LPA: variants seen among roughly 807,000 people sequenced by gnomAD.
LPA encodes lipoprotein(a).
LPA carries 199 observed loss-of-function variants against 197.9 expected under a neutral mutation model. The observed-to-expected ratio is 1.01, with a 90% CI of 0.90 to 1.13. The LOEUF (loss-of-function observed/expected upper bound fraction) is 1.13. LPA is among the 50% of genes most tolerant of loss of function. The pLI, the probability that LPA is intolerant of heterozygous loss-of-function variation, is 0.00. For missense variants in LPA, 1,853 were observed against 1,785.8 expected (o/e 1.04, Z -0.68); for synonymous variants, 715 against 639.5 (o/e 1.12, Z -1.78).
At position 160,585,099 on chromosome 6, in the gene LPA, C is replaced by T. The variant is rs1278172807; in HGVS notation, c.4236G>A (p.Trp1412Ter). Residue 1412 changes from tryptophan to a stop codon, truncating the protein, a stop_gained, in exon 26 of 39, where the codon TGG becomes TGA. Transcript: ENST00000316300. LOFTEE classifies it high-confidence loss of function. ...TTITGRTCQS[W>*]SSMTPHWHRR... ...GATGCCAATGTGGTGTCATAGACGACCAAGACTGACATGTTCTTCCTGTGA... is the reference window on the plus strand; with the variant it reads ...GATGCCAATGTGGTGTCATAGACGATCAAGACTGACATGTTCTTCCTGTGA... The T allele has an allele frequency of 1.2e-6, 2 of 1,613,826 alleles. No homozygotes were observed. Among genetic ancestry groups the T allele is most frequent in the East Asian group, 4.5e-5 (2 of 44,858 alleles).
At chr6:160,590,776 C>CA (rs1296410433) in intron 23 of LPA, among the ~76,000 whole-genome samples, 168 bp downstream of exon 23, 1 of 152,168 alleles carries the variant, frequency 6.6e-6, no homozygotes, top group African/African-American at 2.4e-5. Context: ...CCAAAAATCT[C>CA]AGCCCTGGTT....
intron 28 of LPA, among the ~76,000 whole-genome samples, chr6:160,566,093 T>A (rs1334938852): frequency 2.6e-5 from 4 of 152,146 alleles, no homozygotes; most frequent in African/African-American, 9.7e-5. Context: ...TGGAACCAAG[T>A]TGGAAAACAC....
intron 37 of LPA, among the ~76,000 whole-genome samples, chr6:160,537,149 CT>C (rs1265659226): frequency 6.6e-6 from 1 of 152,168 alleles, no homozygotes; most frequent in Non-Finnish European, 1.5e-5. Flanking sequence ...GGGGGTAAGG[CT>C]GACGGATATA....
chr6:160,550,024 C>T (rs888768773), intron 30 of LPA, among the ~76,000 whole-genome samples: 1 of 152,178 alleles, frequency 6.6e-6, no homozygotes, highest in African/African-American at 2.4e-5. Context: ...AGAGCGAGAC[C>T]ATCTTGGCCA....
chr6:160,610,876 C>A (rs1182766995), intron 16 of LPA, among the ~76,000 whole-genome samples: 1 of 152,186 alleles, frequency 6.6e-6, no homozygotes, highest in East Asian at 1.9e-4. Flanking sequence ...TGTTGTCCCA[C>A]ATGTAGAAAC....
rs181948974 is a variant in LPA at position 160,568,972 on chromosome 6, G to C, written c.4631+8164C>G. Among the ~76,000 whole-genome samples, 52 of 152,290 alleles carry C rather than the reference G, an allele frequency of 3.4e-4. 1 individual carries two copies. The highest frequency in any genetic ancestry group is 1.2e-3 in the African/African-American group (51 of 41,578). On this transcript the variant is annotated intron_variant, in intron 28 of 38. Transcript: ENST00000316300. ...GGAGAACTACAAACCACTGCTTAAT[G>C]AAATAAAAGAGGACACAAACAAATG...
rs1778983313 is a variant in LPA at position 160,589,537 on chromosome 6, A to T, written c.3947+16T>A. On this transcript the variant is annotated intron_variant, in intron 24 of 38. Transcript: ENST00000316300. The stretch of plus-strand genomic sequence containing the variant: ...GTGGGTGGCTGTTTCTCTTGGGAGA[A>T]AACTCAAAGACATACCCATTTGGGT... 6.2e-7 allele frequency: 1 copy of T among 1,612,666 alleles called. No individual in the cohort carries two copies. The highest frequency in any genetic ancestry group is 8.5e-7 in the Non-Finnish European group (1 of 1,179,680).
At chr6:160,594,535 C>A (rs1779093242) in intron 21 of LPA, among the ~76,000 whole-genome samples, 1 of 152,198 alleles carries the variant, frequency 6.6e-6, no homozygotes, top group African/African-American at 2.4e-5. Context: ...GACTGCTGAT[C>A]CTCCAAAGCC....
intron 33 of LPA, 58 bp downstream of exon 33, chr6:160,545,382 T>TG: frequency 3.1e-6 from 4 of 1,302,384 alleles, no homozygotes; most frequent in Admixed American, 1.7e-5. Flanking sequence ...TTTTGCTTTT[T>TG]TTTTTCCAAA....
chr6:160,555,117 T>C (rs1243645346), intron 30 of LPA, among the ~76,000 whole-genome samples: 1 of 151,778 alleles, frequency 6.6e-6, no homozygotes, highest in East Asian at 1.9e-4. Flanking sequence ...AATCTCCATA[T>C]CTGTTTACTT....
intron 24 of LPA, among the ~76,000 whole-genome samples, chr6:160,588,681 G>A (rs1226727060): frequency 6.6e-6 from 1 of 152,096 alleles, no homozygotes; most frequent in Admixed American, 6.6e-5. Flanking sequence ...TTCTTAGCCA[G>A]CCTAGAACAC....
At chr6:160,592,542 G>A (rs1779049534) in intron 22 of LPA, among the ~76,000 whole-genome samples, 1 of 152,242 alleles carries the variant, frequency 6.6e-6, no homozygotes, top group South Asian at 2.1e-4. Context: ...TATTTGTGTT[G>A]AGTGATTTTT....
intron 26 of LPA, among the ~76,000 whole-genome samples, chr6:160,582,278 C>G (rs781501469): frequency 3.6e-4 from 54 of 151,444 alleles, no homozygotes; most frequent in Non-Finnish European, 6.6e-4. Flanking sequence ...TCTTACTACT[C>G]TAAAGGTGTT....
intron 37 of LPA, among the ~76,000 whole-genome samples, chr6:160,536,512 C>T (rs747998253): frequency 7.2e-5 from 11 of 152,180 alleles, no homozygotes; most frequent in Admixed American, 5.9e-4. Context: ...CGAGAGCTCA[C>T]GACTTTTCTA....
At position 160,650,429 on chromosome 6, in the gene LPA, A is replaced by T. The variant is rs1562352927; in HGVS notation, c.118T>A (p.Tyr40Asn). Reference protein sequence around the residue: ...HGDGQSYRGTYSTTVTGRTCQ... With the variant: ...HGDGQSYRGTNSTTVTGRTCQ... Reference sequence around the variant, plus strand: ...GTCCTTCCTGTGACAGTGGTGGAGTACGTGCCTCGATAACTCTGTCCATCA... The same window carrying T: ...GTCCTTCCTGTGACAGTGGTGGAGTTCGTGCCTCGATAACTCTGTCCATCA... Residue 40 changes from tyrosine to asparagine, a missense_variant, in exon 2 of 39, where the codon TAC (tyrosine) becomes AAC (asparagine). This residue lies in a region of LPA where 88 missense variants were observed against 83.0 expected (regional missense o/e 1.06). Transcript: ENST00000316300. The T allele has an allele frequency of 6.2e-7, 1 of 1,613,884 alleles. No individual in the cohort carries two copies. The highest frequency in any genetic ancestry group is 1.7e-5 in the Admixed American group (1 of 60,018).
chr6:160,661,758 T>C (rs1242916765), intron 1 of LPA, among the ~76,000 whole-genome samples: 1 of 152,222 alleles, frequency 6.6e-6, no homozygotes, highest in Non-Finnish European at 1.5e-5. Flanking sequence ...CATATCCATG[T>C]CTTCACCCCG....
chr6:160,609,541 C>T (rs1239619440), intron 16 of LPA, among the ~76,000 whole-genome samples: 1 of 151,838 alleles, frequency 6.6e-6, no homozygotes, highest in East Asian at 1.9e-4. Context: ...CTCGAAATTT[C>T]CTATTTGATC....
intron 23 of LPA, among the ~76,000 whole-genome samples, chr6:160,590,009 T>G (rs909879193): frequency 6.6e-6 from 1 of 152,218 alleles, no homozygotes; most frequent in Non-Finnish European, 1.5e-5. Context: ...CTCTTTTGGG[T>G]GTTCCTGAGA....
intron 26 of LPA, among the ~76,000 whole-genome samples, chr6:160,581,523 A>T (rs1026187516): frequency 1.3e-5 from 2 of 152,202 alleles, no homozygotes; most frequent in East Asian, 3.9e-4. Context: ...GCTTGTCTGC[A>T]ACTCCTCATC....
Sources: gnomAD v4.1 joint callset for allele counts (sites outside exome capture counted in the v4.1 genomes callset) on GRCh38, gnomAD v4.1.1 for gene constraint, gnomAD v4.1.1 regional missense constraint, MANE v1.5 for transcripts, NCBI Gene and HGNC (gene_info 2026-07-23, HGNC 2026-07-21) for gene names.